Variants in TOMM6 observed in about 807,000 individuals in gnomAD.
The protein encoded by TOMM6 is mitochondrial import receptor subunit TOM6 homolog.
Under a neutral mutation model 6.0 loss-of-function variants are expected in TOMM6, and 6 were observed. The observed-to-expected ratio is 1.00, with a 90% CI of 0.55 to 1.98. The LOEUF (loss-of-function observed/expected upper bound fraction) is 1.98. Ranked by LOEUF, TOMM6 falls within the 30% of genes most tolerant of loss-of-function variation. The probability of loss-of-function intolerance (pLI) is 0.00; values close to 1 mark genes in which losing one functional copy is unlikely to be tolerated. For synonymous variants in TOMM6, 44 were observed against 36.3 expected (o/e 1.21, Z -0.76); for missense variants, 104 against 95.3 (o/e 1.09, Z -0.38).
At position 41,789,620 on chromosome 6, in the gene TOMM6, T is replaced by C; in HGVS notation, c.*61T>C. The stretch of plus-strand genomic sequence containing the variant: ...ATCTTCCAAAAAACAGCCTACAATC[T>C]GTGACCACCACAAGATGTGCCCTGA... On this transcript the variant is annotated 3_prime_UTR_variant, in exon 3 of 3. Coordinates refer to ENST00000398881, the MANE Select transcript of TOMM6 (RefSeq NM_001382294.1). 3.0e-6 allele frequency: 1 copy of C among 328,080 alleles called. No individual in the cohort carries two copies. Among genetic ancestry groups the C allele is most frequent in the African/African-American group, 2.1e-5 (1 of 47,740 alleles). The allele number at this position is 328,080 out of a possible 1,614,324, so 20.3% of individuals were successfully genotyped here. A position where few individuals can be genotyped will look rare whatever the true frequency, so the allele number is the denominator to read the frequency against.
At chr6:41,788,572 C>G (rs1258919883) in intron 1 of TOMM6, among the ~76,000 whole-genome samples, 1 of 150,356 alleles carries the variant, frequency 6.7e-6, no homozygotes, top group Non-Finnish European at 1.5e-5. Context: ...CCTGCCTCAG[C>G]CTCCCCAGTA....
In TOMM6 at chr6:41,788,443, C is replaced by CTTT. The variant is rs70987535; in HGVS notation, c.128+643_128+645dup. ...ACAGGCGTGAGCCACCACGCCCGGCCTTTTTTTTTTTTTTTTTTTTTTTTT... is the reference window on the plus strand; with the variant it reads ...ACAGGCGTGAGCCACCACGCCCGGCCTTTTTTTTTTTTTTTTTTTTTTTTTTTT... On this transcript the variant is annotated intron_variant, in intron 1 of 2. Transcript: ENST00000398881. Among the ~76,000 whole-genome samples the CTTT allele has an allele frequency of 2.1e-3, 80 of 38,322 alleles. 16 individuals carry two copies. Among genetic ancestry groups the CTTT allele is most frequent in the African/African-American group, 5.5e-3 (57 of 10,322 alleles). The allele number at this position is 38,322 out of a possible 152,430, so 25.1% of individuals were successfully genotyped here.
At chr6:41,787,880 C>G in intron 1 of TOMM6, 55 bp downstream of exon 1, 12 of 1,535,158 alleles carry the variant, frequency 7.8e-6, no homozygotes, top group Non-Finnish European at 1.1e-5. Flanking sequence ...CGTATTTCCC[C>G]TTTCTTGCGA....
At position 41,788,147 on chromosome 6, in the gene TOMM6, T is replaced by TG. The variant is rs779631491; in HGVS notation, c.128+322_128+323insG. Among the ~76,000 whole-genome samples, 450 of 128,422 alleles carry TG rather than the reference T, an allele frequency of 3.5e-3. 15 individuals carry two copies. Among genetic ancestry groups the TG allele is most frequent in the East Asian group, 8.7e-3 (44 of 5,074 alleles). The allele number at this position is 128,422 out of a possible 152,430, so 84.2% of individuals were successfully genotyped here. A position where few individuals can be genotyped will look rare whatever the true frequency, so the allele number is the denominator to read the frequency against. On this transcript the variant is annotated intron_variant, in intron 1 of 2. Transcript: ENST00000398881. The stretch of plus-strand genomic sequence containing the variant: ...CGTTTGATCTTACATTTCTTTTTTG[T>TG]TTTTTTTTTTTTTTTGAGACGGAGT...
At chr6:41,787,922 T>G in intron 1 of TOMM6, 97 bp downstream of exon 1, 1 of 1,478,176 alleles carries the variant, frequency 6.8e-7, no homozygotes, top group Non-Finnish European at 9.1e-7. Flanking sequence ...TGTTTTTGTT[T>G]TTTAACATTA....
At chr6:41,788,476 G>A in intron 1 of TOMM6, among the ~76,000 whole-genome samples, 1 of 95,268 alleles carries the variant, frequency 1.0e-5, no homozygotes, top group African/African-American at 4.3e-5. Flanking sequence ...TTTTTGAGAC[G>A]GAGTCTCACT....
In TOMM6 at chr6:41,787,835, C is replaced by G. The variant is rs1312765956; in HGVS notation, c.128+10C>G. 4 of 1,551,640 alleles carry G rather than the reference C, an allele frequency of 2.6e-6. No homozygotes were observed. Among genetic ancestry groups the G allele is most frequent in the South Asian group, 1.2e-5 (1 of 84,064 alleles). ...GGAATGACTTCCGGAGGTAACCGAG[C>G]CCGAGGAACTTGGTCCTTTTCTGGC... On this transcript the variant is annotated intron_variant, in intron 1 of 2. Coordinates refer to ENST00000398881, the MANE Select transcript of TOMM6 (RefSeq NM_001382294.1).
chr6:41,789,056 T>TA (rs1366987467), intron 1 of TOMM6, among the ~76,000 whole-genome samples, 176 bp from the exon 2 acceptor site: 19 of 152,182 alleles, frequency 1.2e-4, no homozygotes, highest in African/African-American at 4.1e-4. Flanking sequence ...ACCTTACACT[T>TA]ACTAGGCACA....
Position 41,787,803 on chromosome 6 carries a change from A to C in TOMM6, c.106A>C (p.Thr36Pro). The change falls in exon 1 of 3, where the codon ACT becomes CCT. Residue 36 changes from threonine (T) to proline (P), a missense_variant. By Grantham distance (38) the Thr-to-Pro change is conservative (BLOSUM62 -1). Coordinates refer to ENST00000398881, the MANE Select transcript of TOMM6 (RefSeq NM_001382294.1). ...GCTTCGGGGCGTCTACCGCTTTGCC[A>C]CTGATAGGAATGACTTCCGGAGGTA... ...DWLRGVYRFA[T>P]DRNDFRRNLI... 1 of 1,551,778 alleles carries C rather than the reference A, an allele frequency of 6.4e-7. No homozygotes were observed. The highest frequency in any genetic ancestry group is 2.4e-5 in the East Asian group (1 of 40,926).
At chr6:41,788,247 C>G (rs1028878864) in intron 1 of TOMM6, among the ~76,000 whole-genome samples, 9 of 150,292 alleles carry the variant, frequency 6.0e-5, no homozygotes, top group African/African-American at 2.0e-4. Flanking sequence ...CGGGTTCACG[C>G]CATTCTCCTG....
Position 41,789,333 on chromosome 6 carries a change from G to A in TOMM6, c.*5G>A. The A allele has an allele frequency of 6.4e-7, 1 of 1,551,398 alleles. No homozygotes were observed. Among genetic ancestry groups the A allele is most frequent in the Non-Finnish European group, 8.7e-7 (1 of 1,146,686 alleles). On this transcript the variant is annotated 3_prime_UTR_variant, in exon 2 of 3. Transcript: ENST00000398881. The stretch of plus-strand genomic sequence containing the variant: ...GCACCTCAGCCAGGGGTGTAGCCAA[G>A]TAGGTAAGCACTGAACTACACCCAT...
intron 1 of TOMM6, among the ~76,000 whole-genome samples, chr6:41,788,154 T>C (rs1772715752): frequency 6.6e-6 from 1 of 150,526 alleles, no homozygotes; most frequent in South Asian, 2.1e-4. Flanking sequence ...TTGTTTTTTT[T>C]TTTTTTTTGA....
chr6:41,789,473 T>C (rs932746552), intron 2 of TOMM6, 95 bp from the exon 3 acceptor site: 1 of 699,968 alleles, frequency 1.4e-6, no homozygotes, highest in Admixed American at 2.5e-5. Flanking sequence ...AAATGTGTTT[T>C]CAGATGTTGA....
At chr6:41,789,405 C>A in intron 2 of TOMM6, 69 bp downstream of exon 2, 1 of 1,125,682 alleles carries the variant, frequency 8.9e-7, no homozygotes, top group South Asian at 1.3e-5. Context: ...TGTTTTCTGT[C>A]AAGTATTCAT....
In TOMM6 at chr6:41,788,806, G is replaced by GCGGA. The variant is rs554983425; in HGVS notation, c.129-424_129-421dup. Among the ~76,000 whole-genome samples the GCGGA allele has an allele frequency of 5.0e-4, 72 of 143,444 alleles. No homozygotes were observed. In the South Asian group the frequency reaches 0.012, roughly 25 times the overall value. The allele number at this position is 143,444 out of a possible 152,430, so 94.1% of individuals were successfully genotyped here. A position where few individuals can be genotyped will look rare whatever the true frequency, so the allele number is the denominator to read the frequency against. On this transcript the variant is annotated intron_variant, in intron 1 of 2. Coordinates refer to ENST00000398881, the MANE Select transcript of TOMM6 (RefSeq NM_001382294.1). ...CTGTCGCCCAGGCTGGAGTGTAGTGGCGGACCTCAGCTCACTGCAGCCTCC... is the reference window on the plus strand; with the variant it reads ...CTGTCGCCCAGGCTGGAGTGTAGTGGCGGACGGACCTCAGCTCACTGCAGCCTCC...
At chr6:41,788,514 G>A (rs1772729028) in intron 1 of TOMM6, among the ~76,000 whole-genome samples, 1 of 131,632 alleles carries the variant, frequency 7.6e-6, no homozygotes, top group Admixed American at 8.8e-5. Flanking sequence ...GTGCAGAGGC[G>A]CAATCTCGGC....
chr6:41,789,445 C>A, intron 2 of TOMM6, 109 bp downstream of exon 2: 1 of 827,258 alleles, frequency 1.2e-6, no homozygotes, highest in Non-Finnish European at 2.0e-6. Context: ...GATGTAAAAC[C>A]CTTAACTATT....
intron 1 of TOMM6, among the ~76,000 whole-genome samples, chr6:41,788,953 C>G (rs1487926905): frequency 4.7e-5 from 7 of 149,814 alleles, no homozygotes; most frequent in South Asian, 2.1e-4. Context: ...ACCATGTTGG[C>G]CAGGCTGGTC....
rs1033091093 is a variant in TOMM6 at position 41,789,302 on chromosome 6, C to G, written c.199C>G (p.Leu67Val). ...GGCCAGGAACTTGAGTGACATTGAC[C>G]TCATGGCACCTCAGCCAGGGGTGTA... Reference protein sequence around the residue: ...WLARNLSDIDLMAPQPGV With the variant: ...WLARNLSDIDVMAPQPGV The change falls in exon 2 of 3, where the codon CTC (leucine) becomes GTC (valine). Residue 67 changes from leucine (L) to valine (V), a missense_variant. By Grantham distance (32) the Leu-to-Val change is conservative. Coordinates refer to ENST00000398881, the MANE Select transcript of TOMM6 (RefSeq NM_001382294.1). The G allele has an allele frequency of 8.4e-6, 13 of 1,551,562 alleles. No homozygotes were observed. Among genetic ancestry groups the G allele is most frequent in the African/African-American group, 1.4e-5 (1 of 73,032 alleles).
Sources: gnomAD v4.1 joint callset for allele counts (sites outside exome capture counted in the v4.1 genomes callset) on GRCh38, gnomAD v4.1.1 for gene constraint, MANE v1.5 for transcripts, NCBI Gene and HGNC (gene_info 2026-07-23, HGNC 2026-07-21) for gene names.